Variants in IPO11 observed in about 807,000 individuals in gnomAD.
The protein encoded by IPO11 is importin 11, also known as importin-11.
In IPO11, 66 loss-of-function variants were observed where a neutral mutation model predicts 143.2. That is an observed-to-expected ratio of 0.46 (90% CI 0.38 to 0.57). The LOEUF (loss-of-function observed/expected upper bound fraction) is 0.57. IPO11 is among the 20% of genes least tolerant of loss of function. The pLI is 0.00. For missense variants in IPO11, 1,026 were observed against 1,141.0 expected, an observed-to-expected ratio of 0.90 and a Z score of 1.45; for synonymous variants, 385 against 377.8, an observed-to-expected ratio of 1.02 and a Z score of -0.22.
intron 16 of IPO11, among the ~76,000 whole-genome samples, chr5:62,503,432 C>CTATTAATA (rs1741428214): frequency 2.0e-5 from 3 of 148,004 alleles, no homozygotes; most frequent in Non-Finnish European, 3.0e-5. Flanking sequence ...TTAATAGTAT[C>CTATTAATA]TATTAATAGA....
intron 27 of IPO11, among the ~76,000 whole-genome samples, chr5:62,584,524 G>A (rs1744690539): frequency 6.7e-6 from 1 of 149,032 alleles, no homozygotes; most frequent in South Asian, 2.1e-4. Flanking sequence ...GAGGTGTGAG[G>A]ATTGCTTGAG....
chr5:62,433,110 C>G (rs560996206), intron 1 of IPO11, among the ~76,000 whole-genome samples: 2 of 147,062 alleles, frequency 1.4e-5, no homozygotes, highest in South Asian at 4.3e-4. Flanking sequence ...TTGGAACACT[C>G]TTCTTCGGTT....
chr5:62,610,529 A>T (rs752771088), intron 29 of IPO11, among the ~76,000 whole-genome samples: 2 of 152,178 alleles, frequency 1.3e-5, no homozygotes, highest in Non-Finnish European at 2.9e-5. Flanking sequence ...TTTGCACCAA[A>T]TTTGGTTATC....
At position 62,435,172 on chromosome 5, in the gene IPO11, G is replaced by GTATATATATGTGTA. The variant is rs368807385; in HGVS notation, c.-6-2095_-6-2094insATGTGTATATATAT. ...TATATGTATATATATGTATATATAT[G>GTATATATATGTGTA]TATATATGTATATATATGTATATAT... On this transcript the variant is annotated intron_variant, in intron 1 of 29. Transcript: ENST00000325324. Among the ~76,000 whole-genome samples, 689 of 88,160 alleles carry GTATATATATGTGTA rather than the reference G, an allele frequency of 7.8e-3. 70 individuals carry two copies. Among genetic ancestry groups the GTATATATATGTGTA allele is most frequent in the African/African-American group, 0.028 (553 of 20,000 alleles). The allele number at this position is 88,160 out of a possible 152,430, so 57.8% of individuals were successfully genotyped here.
chr5:62,567,558 CTTTTT>C (rs34740276), intron 27 of IPO11, among the ~76,000 whole-genome samples: 1 of 70,188 alleles, frequency 1.4e-5, no homozygotes, highest in African/African-American at 6.6e-5. Context: ...CTTACATTTC[CTTTTT>C]TTTTTTTTTT....
At chr5:62,508,867 G>A (rs1199036475) in intron 19 of IPO11, among the ~76,000 whole-genome samples, 1 of 152,074 alleles carries the variant, frequency 6.6e-6, no homozygotes, top group African/African-American at 2.4e-5. Context: ...TTGGTTTTCT[G>A]TCCTTGTGGT....
chr5:62,529,978 CT>C (rs1217473671), intron 21 of IPO11, among the ~76,000 whole-genome samples: 5 of 152,184 alleles, frequency 3.3e-5, no homozygotes, highest in African/African-American at 1.2e-4. Context: ...TGTTTCATAA[CT>C]GCTAATGCGG....
chr5:62,437,802 C>T (rs961051497), intron 2 of IPO11, among the ~76,000 whole-genome samples: 4 of 152,046 alleles, frequency 2.6e-5, no homozygotes, highest in Non-Finnish European at 4.4e-5. Context: ...TCAGGTGTAC[C>T]GTGTATTTCA....
At chr5:62,419,175 A>C (rs1743407891) in intron 1 of IPO11, 1 of 1,533,950 alleles carries the variant, frequency 6.5e-7, no homozygotes, top group Non-Finnish European at 8.8e-7. Context: ...AAGGTACTGT[A>C]AAAATACAGT....
intron 27 of IPO11, chr5:62,579,298 T>A: frequency 1.3e-6 from 1 of 759,122 alleles, no homozygotes; most frequent in Non-Finnish European, 2.2e-6. Flanking sequence ...ATAGTATTAT[T>A]GGCTGATCCT....
At chr5:62,450,120 TG>T in intron 4 of IPO11, 121 bp downstream of exon 4, 1 of 549,168 alleles carries the variant, frequency 1.8e-6, no homozygotes, top group Non-Finnish European at 3.1e-6. Flanking sequence ...TCATTTGTGA[TG>T]TTTTTATCTA....
chr5:62,555,438 A>C (rs1331199435), intron 26 of IPO11, among the ~76,000 whole-genome samples: 2 of 151,786 alleles, frequency 1.3e-5, no homozygotes, highest in Non-Finnish European at 2.9e-5. Flanking sequence ...TTAGCCTCCC[A>C]AGTAGCTGTG....
chr5:62,603,874 G>A (rs1247289088), intron 29 of IPO11, among the ~76,000 whole-genome samples: 2 of 152,186 alleles, frequency 1.3e-5, no homozygotes, highest in Admixed American at 6.5e-5. Context: ...ATATGATAGT[G>A]GTCCGATAAG....
intron 28 of IPO11, among the ~76,000 whole-genome samples, chr5:62,600,331 C>T (rs1037730181): frequency 1.6e-4 from 25 of 152,194 alleles, no homozygotes; most frequent in Admixed American, 1.3e-4. Flanking sequence ...CAGGTGTATG[C>T]CACCATGCCC....
At chr5:62,583,347 A>G (rs547990141) in intron 27 of IPO11, among the ~76,000 whole-genome samples, 2 of 152,312 alleles carry the variant, frequency 1.3e-5, no homozygotes, top group South Asian at 2.1e-4. Context: ...GATGTTCACA[A>G]GCAACACAGC....
At chr5:62,511,089 T>C (rs1741733357) in intron 19 of IPO11, among the ~76,000 whole-genome samples, 1 of 152,178 alleles carries the variant, frequency 6.6e-6, no homozygotes, top group Non-Finnish European at 1.5e-5. Context: ...ATTTAGAACA[T>C]TGTATATTCT....
chr5:62,432,864 G>GTGT (rs1246165316), intron 1 of IPO11, among the ~76,000 whole-genome samples: 1 of 152,158 alleles, frequency 6.6e-6, no homozygotes, highest in African/African-American at 2.4e-5. Context: ...AGGTCAAGTT[G>GTGT]TGTTGTTGTT....
intron 1 of IPO11, among the ~76,000 whole-genome samples, chr5:62,430,430 C>G (rs912619518): frequency 1.3e-5 from 2 of 152,164 alleles, no homozygotes; most frequent in Admixed American, 1.3e-4. Context: ...AAGCAGTCCT[C>G]TCACCTCAGC....
At chr5:62,467,293 G>C in intron 6 of IPO11, 30 bp downstream of exon 6, 1 of 1,595,878 alleles carries the variant, frequency 6.3e-7, no homozygotes, top group Non-Finnish European at 8.5e-7. Flanking sequence ...GTTCATTTTT[G>C]AAATGAGATA....
Sources: allele counts gnomAD v4.1 joint callset (sites outside exome capture counted in the v4.1 genomes callset), GRCh38; gene constraint gnomAD v4.1.1; transcripts MANE v1.5; gene names NCBI Gene and HGNC (gene_info 2026-07-23, HGNC 2026-07-21).